ANGPT4: variants seen among roughly 807,000 people sequenced by gnomAD.
ANGPT4 encodes the protein angiopoietin 4.
A neutral mutation model predicts 53.0 loss-of-function variants in ANGPT4; 50 were observed. The ratio of observed to expected loss-of-function variants is 0.94; its 90% confidence interval spans 0.75 to 1.20. The LOEUF is 1.20. ANGPT4 is among the 50% of genes most tolerant of loss of function. The pLI, the probability that ANGPT4 is intolerant of heterozygous loss-of-function variation, is 0.00. For synonymous variants in ANGPT4, 251 were observed against 259.7 expected (o/e 0.97, Z 0.32); for missense variants, 648 against 637.1 (o/e 1.02, Z -0.18).
chr20:904,420 G>A (rs1417141035), intron 1 of ANGPT4, among the ~76,000 whole-genome samples: 2 of 152,234 alleles, frequency 1.3e-5, no homozygotes, highest in Admixed American at 6.5e-5. Context: ...ATTGTAAGCT[G>A]CTTGAAATTC....
intron 4 of ANGPT4, among the ~76,000 whole-genome samples, chr20:883,471 G>A (rs1282392880): frequency 6.6e-6 from 1 of 152,206 alleles, no homozygotes; most frequent in Non-Finnish European, 1.5e-5. Context: ...CAGAGAGCTA[G>A]TGCTCCCTTC....
intron 1 of ANGPT4, among the ~76,000 whole-genome samples, chr20:915,117 C>T (rs1982872613): frequency 6.6e-6 from 1 of 152,208 alleles, no homozygotes; most frequent in Non-Finnish European, 1.5e-5. Context: ...TCCACCCTGC[C>T]TCCTACAGTC....
At chr20:881,584 GA>G (rs142120200) in intron 4 of ANGPT4, among the ~76,000 whole-genome samples, 23 of 152,326 alleles carry the variant, frequency 1.5e-4, no homozygotes, top group African/African-American at 5.1e-4. Context: ...ATGGGGAGGG[GA>G]ACTAAGGCTG....
intron 1 of ANGPT4, 54 bp from the exon 2 acceptor site, chr20:890,422 T>C: frequency 4.6e-6 from 7 of 1,518,234 alleles, no homozygotes; most frequent in Non-Finnish European, 6.2e-6. Context: ...AAGCCCCCTG[T>C]CCCTCCCACG....
At position 890,291 on chromosome 20, in the gene ANGPT4, G is replaced by C; in HGVS notation, c.387C>G (p.Ala129=). The change falls in exon 2 of 9, where the codon GCC becomes GCG. Residue 129 remains alanine (A), a synonymous_variant. Coordinates refer to ENST00000381922, the MANE Select transcript of ANGPT4 (RefSeq NM_015985.4). ...VQQQMAQNQT[A]PMLELGTSLL... is the part of the protein sequence containing the mutation. ...GGCTGGTGCCCAGCTCTAGCATGGGGGCCGTCTGATTCTGGGCCATTTGCT... is the reference window on the plus strand; with the variant it reads ...GGCTGGTGCCCAGCTCTAGCATGGGCGCCGTCTGATTCTGGGCCATTTGCT... 1 of 1,613,982 alleles carries C rather than the reference G, an allele frequency of 6.2e-7. No individual in the cohort carries two copies.
At chr20:874,180 T>C in intron 8 of ANGPT4, 104 bp downstream of exon 8, 1 of 1,536,744 alleles carries the variant, frequency 6.5e-7, no homozygotes, top group Non-Finnish European at 8.9e-7. Flanking sequence ...CCTGCACCCA[T>C]CCTCCTGACA....
chr20:878,913 C>G (rs1981279139), intron 6 of ANGPT4, among the ~76,000 whole-genome samples: 1 of 152,140 alleles, frequency 6.6e-6, no homozygotes. Context: ...TCCCAATGCC[C>G]TTGGACAGAA....
chr20:877,959 C>G (rs556227695), intron 7 of ANGPT4, among the ~76,000 whole-genome samples: 3 of 152,222 alleles, frequency 2.0e-5, no homozygotes, highest in African/African-American at 7.2e-5. Context: ...TTCCACTCCA[C>G]CCAGTGGCTA....
rs1376048820 is a variant in ANGPT4, at chr20:914,129, C to T, written c.309+1777G>A. ...TCATGCTACAGACATTTATTGAGTACCTACTGTGTGTTCGGCACTATTCTA... is the reference window on the plus strand; with the variant it reads ...TCATGCTACAGACATTTATTGAGTATCTACTGTGTGTTCGGCACTATTCTA... On this transcript the variant is annotated intron_variant, in intron 1 of 8. Transcript: ENST00000381922. This position sits in a 1 kb window ranked among gnomAD's most constrained non-coding sequence, Gnocchi z 5.0. Among the ~76,000 whole-genome samples the T allele has an allele frequency of 2.0e-5, 3 of 152,158 alleles. No homozygotes were observed. Among genetic ancestry groups the T allele is most frequent in the Non-Finnish European group, 2.9e-5 (2 of 68,034 alleles).
chr20:911,779 C>T lies in ANGPT4; in HGVS notation c.309+4127G>A, dbSNP rs942092081. Among the ~76,000 whole-genome samples, 1 of 151,978 alleles carries T rather than the reference C, an allele frequency of 6.6e-6. No homozygotes were observed. Among genetic ancestry groups the T allele is most frequent in the Non-Finnish European group, 1.5e-5 (1 of 68,000 alleles). ...GCAGTGAGCTGTGATTGCACCATTG[C>T]ACCCCAGTGTGGTTGAGAGAGTCAG... On this transcript the variant is annotated intron_variant, in intron 1 of 8. Transcript: ENST00000381922. This position sits in a 1 kb window ranked among gnomAD's most constrained non-coding sequence, Gnocchi z 4.9.
At chr20:898,729 C>T (rs1391199085) in intron 1 of ANGPT4, among the ~76,000 whole-genome samples, 1 of 152,214 alleles carries the variant, frequency 6.6e-6, no homozygotes, top group African/African-American at 2.4e-5. Flanking sequence ...AAGAGAAACC[C>T]CAGCCACATC....
chr20:872,232 C>G lies in ANGPT4; in HGVS notation c.*728G>C, dbSNP rs901153984. The G allele has an allele frequency of 1.3e-5, 2 of 152,210 alleles. No homozygotes were observed. Among genetic ancestry groups the G allele is most frequent in the Non-Finnish European group, 2.9e-5 (2 of 68,084 alleles). The allele number at this position is 152,210 out of a possible 1,614,324, so 9.4% of individuals were successfully genotyped here. On this transcript the variant is annotated 3_prime_UTR_variant, in exon 9 of 9. Coordinates refer to ENST00000381922, the MANE Select transcript of ANGPT4 (RefSeq NM_015985.4). ...GCTCATAGGTACTTTTAGAGACAAGCCATAGTTATTCCCTGTGACACATCC... is the reference window on the plus strand; with the variant it reads ...GCTCATAGGTACTTTTAGAGACAAGGCATAGTTATTCCCTGTGACACATCC...
chr20:888,221 C>T (rs777739208), intron 3 of ANGPT4, 97 bp downstream of exon 3: 68 of 1,472,158 alleles, frequency 4.6e-5, no homozygotes, highest in Non-Finnish European at 5.9e-5. Flanking sequence ...CTGGCTCCAG[C>T]CCCAGTCCTA....
intron 6 of ANGPT4, 75 bp from the exon 7 acceptor site, chr20:878,402 G>T: frequency 1.4e-6 from 2 of 1,465,024 alleles, no homozygotes; most frequent in South Asian, 2.6e-5. Context: ...GCTGGGCTGG[G>T]CCAGGCTCCA....
chr20:904,359 T>C lies in ANGPT4; in HGVS notation c.309+11547A>G, dbSNP rs117227419. 1.9e-3 allele frequency among the ~76,000 whole-genome samples: 289 copies of C among 152,338 alleles called. 8 individuals carry two copies. The East Asian group carries it at 0.047, about 25-fold the overall frequency. On this transcript the variant is annotated intron_variant, in intron 1 of 8. Transcript: ENST00000381922. Reference sequence around the variant, plus strand: ...ATTCCACACCTGGCTTCCTTTTGCTTAACATTGTTCATAGCATGTTCCACA... The same window carrying C: ...ATTCCACACCTGGCTTCCTTTTGCTCAACATTGTTCATAGCATGTTCCACA...
chr20:915,427 C>T (rs117794389), intron 1 of ANGPT4, among the ~76,000 whole-genome samples: 2,196 of 152,292 alleles, frequency 0.014, 29 homozygotes, highest in Non-Finnish European at 0.023. Context: ...GCCTGGCCCA[C>T]TCTATCATTT....
chr20:883,029 C>G (rs1981473122), intron 4 of ANGPT4, among the ~76,000 whole-genome samples: 2 of 152,250 alleles, frequency 1.3e-5, no homozygotes, highest in Non-Finnish European at 1.5e-5. Flanking sequence ...TGCATAGGCA[C>G]TGTGCTGAAC....
chr20:888,197 T>C, intron 3 of ANGPT4, 121 bp downstream of exon 3: 2 of 1,361,396 alleles, frequency 1.5e-6, no homozygotes, highest in Non-Finnish European at 2.0e-6. Context: ...CCAGCCCACG[T>C]CCAGCTTCCG....
chr20:893,709 C>T lies in ANGPT4; in HGVS notation c.310-3341G>A, dbSNP rs534235852. ...ATTCCTCAGCTCCCATCGCCCCTGT[C>T]CCTGTAACTCCCACCCCATGCTTCG... On this transcript the variant is annotated intron_variant, in intron 1 of 8. Coordinates refer to ENST00000381922, the MANE Select transcript of ANGPT4 (RefSeq NM_015985.4). Among the ~76,000 whole-genome samples, 51 of 152,282 alleles carry T rather than the reference C, an allele frequency of 3.3e-4. No homozygotes were observed. The South Asian group carries it at 0.01, about 30-fold the overall frequency.
Sources: allele counts gnomAD v4.1 joint callset (sites outside exome capture counted in the v4.1 genomes callset), GRCh38; gene constraint gnomAD v4.1.1; non-coding constraint Gnocchi (gnomAD v3.1); transcripts MANE v1.5; gene names NCBI Gene and HGNC (gene_info 2026-07-23, HGNC 2026-07-21).